The following ERV3-1 variants were observed in gnomAD, a reference collection of about 807,000 sequenced individuals.
The protein encoded by ERV3-1 is endogenous retrovirus group 3 member 1 Env polyprotein.
ERV3-1 carries 36 observed loss-of-function variants against 24.6 expected under a neutral mutation model. The observed-to-expected ratio is 1.47, with a 90% CI of 1.12 to 1.94. The LOEUF is 1.94. Among genes scored for constraint, ERV3-1 ranks in the 30% most tolerant of loss-of-function variants. ERV3-1 has a pLI of 0.00. For missense variants in ERV3-1, 578 were observed against 330.9 expected, an observed-to-expected ratio of 1.75 and a Z score of -5.79; for synonymous variants, 211 against 122.6, an observed-to-expected ratio of 1.72 and a Z score of -4.76.
In ERV3-1 at chr7:64,998,584, T is replaced by C. The variant is rs181367834; in HGVS notation, c.-388-5170A>G. 2.0e-5 allele frequency among the ~76,000 whole-genome samples: 3 copies of C among 152,330 alleles called. No homozygotes were observed. In the East Asian group the frequency reaches 5.8e-4, roughly 29 times the overall value. On this transcript the variant is annotated intron_variant, in intron 1 of 1. Coordinates refer to ENST00000394323, the MANE Select transcript of ERV3-1 (RefSeq NM_001007253.4). ...TACATTCTAATGGGATGGGTTTTGA[T>C]GACTTCCCTCCCATTTCCTCCCAGT... is the stretch of plus-strand genomic sequence containing the variant.
rs1423146661 is a variant in ERV3-1 at position 65,006,529 on chromosome 7, C to T, written c.-389+12G>A. On this transcript the variant is annotated intron_variant, in intron 1 of 1. Coordinates refer to ENST00000394323, the MANE Select transcript of ERV3-1 (RefSeq NM_001007253.4). ...GCCCCCTCTCTCGGGATGTCGGACC[C>T]GGCACTCTCACCATTTCTAGGCTTC... 2.0e-5 allele frequency: 31 copies of T among 1,574,690 alleles called. No homozygotes were observed. The highest frequency in any genetic ancestry group is 2.7e-5 in the Non-Finnish European group (31 of 1,145,916).
rs1467391837 is a variant in ERV3-1 at position 64,998,400 on chromosome 7, C to T, written c.-388-4986G>A. Reference sequence around the variant, plus strand: ...GGCTGTCCTCCGACCCCAGTCACCACCTTAAATACACGGCCAATTTTTTCC... The same window carrying T: ...GGCTGTCCTCCGACCCCAGTCACCATCTTAAATACACGGCCAATTTTTTCC... On this transcript the variant is annotated intron_variant, in intron 1 of 1. Coordinates refer to ENST00000394323, the MANE Select transcript of ERV3-1 (RefSeq NM_001007253.4). Among the ~76,000 whole-genome samples the T allele has an allele frequency of 2.6e-5, 4 of 152,264 alleles. No homozygotes were observed. The East Asian group carries it at 7.7e-4, about 29-fold the overall frequency.
At position 64,991,278 on chromosome 7, in the gene ERV3-1, G is replaced by A. The variant is rs4718177; in HGVS notation, c.1749C>T (p.Val583=). 277,686 of 731,106 alleles carry A rather than the reference G, an allele frequency of 0.38. 53,547 individuals are homozygous for A. Among genetic ancestry groups the A allele is most frequent in the South Asian group, 0.42 (29,008 of 69,744 alleles). The allele number at this position is 731,106 out of a possible 1,614,324, so 45.3% of individuals were successfully genotyped here. Residue 583 remains valine (V), a synonymous_variant, in exon 2 of 2, where the codon GTC becomes GTT. Coordinates refer to ENST00000394323, the MANE Select transcript of ERV3-1 (RefSeq NM_001007253.4). Reference sequence around the variant, plus strand: ...GGATTTTAGCAGTTATTTCTTTGATGACCTTTCCTTCGTCATCAAGTTCCA... The same window carrying A: ...GGATTTTAGCAGTTATTTCTTTGATAACCTTTCCTTCGTCATCAAGTTCCA... ...CCLELDDEGK[V]IKEITAKIQK... is the part of the protein sequence containing the mutation.
chr7:64,998,047 C>T (rs1002000551), intron 1 of ERV3-1, among the ~76,000 whole-genome samples: 1 of 152,108 alleles, frequency 6.6e-6, no homozygotes, highest in African/African-American at 2.4e-5. Context: ...GAGGTGGGGG[C>T]TCAGATTTCC....
In ERV3-1 at chr7:64,991,409, C is replaced by T. The variant is rs550750010; in HGVS notation, c.1618G>A (p.Ala540Thr). The change falls in exon 2 of 2, where the codon GCC (alanine) becomes ACC (threonine). Residue 540 changes from alanine (A) to threonine (T), a missense_variant. Physicochemically the swap from Ala to Thr is moderately conservative, Grantham distance 58. Coordinates refer to ENST00000394323, the MANE Select transcript of ERV3-1 (RefSeq NM_001007253.4). ...AGALNLLAQQATKMRNVIYQN... is the reference protein window; with the variant it reads ...AGALNLLAQQTTKMRNVIYQN... ...TAAATGACATTTCTCATTTTTGTGG[C>T]TTGCTGGGCAAGCAGATTCAAGGCC... 8.9e-5 allele frequency: 63 copies of T among 703,952 alleles called. 1 individual carries two copies. Among genetic ancestry groups the T allele is most frequent in the South Asian group, 7.5e-4 (51 of 67,596 alleles). 43.6% of individuals were successfully genotyped at this position (703,952 alleles called of 1,614,324 possible).
rs186542270 is a variant in ERV3-1 at position 64,998,975 on chromosome 7, G to A, written c.-388-5561C>T. Among the ~76,000 whole-genome samples, 11 of 152,194 alleles carry A rather than the reference G, an allele frequency of 7.2e-5. No homozygotes were observed. The South Asian group carries it at 1.2e-3, about 17-fold the overall frequency. ...AACCAACTTAGTGAGCCACTCTCAC[G>A]TCCTGGGTCAGTTGGGGTGTAGGTT... On this transcript the variant is annotated intron_variant, in intron 1 of 1. Transcript: ENST00000394323.
At chr7:64,993,449 A>G (rs536143810) in intron 1 of ERV3-1, 35 bp from the exon 2 acceptor site, 2 of 168,118 alleles carry the variant, frequency 1.2e-5, no homozygotes, top group East Asian at 3.2e-4. Context: ...AGATTACAGT[A>G]TGGAGCCCAT....
Position 64,995,034 on chromosome 7 carries a change from C to T in ERV3-1, c.-388-1620G>A, listed in dbSNP as rs139319557. 8.2e-3 allele frequency among the ~76,000 whole-genome samples: 1,242 copies of T among 152,346 alleles called. 12 individuals are homozygous for T. Among genetic ancestry groups the T allele is most frequent in the Middle Eastern group, 0.027 (8 of 294 alleles). ...TGCCACAGTCACGGAAGGTGATTCCCGGTTTGACTGGGAGCAGGGTAGCTG... is the reference window on the plus strand; with the variant it reads ...TGCCACAGTCACGGAAGGTGATTCCTGGTTTGACTGGGAGCAGGGTAGCTG... On this transcript the variant is annotated intron_variant, in intron 1 of 1. Coordinates refer to ENST00000394323, the MANE Select transcript of ERV3-1 (RefSeq NM_001007253.4).
At position 64,991,321 on chromosome 7, in the gene ERV3-1, T is replaced by C. The variant is rs4717229; in HGVS notation, c.1706A>G (p.Asn569Ser). ...AQEEGVCGKF[N>S]LTNCCLELDD... ...AAGTTCCAGGCAGCAGTTAGTAAGG[T>C]TGAACTTTCCGCATACTCCCTCTTC... The change falls in exon 2 of 2, where the codon AAC becomes AGC. Residue 569 changes from asparagine (N) to serine (S), a missense_variant. Transcript: ENST00000394323. The C allele has an allele frequency of 0.94, 663,972 of 708,186 alleles. 312,099 individuals carry two copies. Among genetic ancestry groups the C allele is most frequent in the South Asian group, 0.97 (65,846 of 67,932 alleles). The allele number at this position is 708,186 out of a possible 1,614,324, so 43.9% of individuals were successfully genotyped here.
intron 1 of ERV3-1, chr7:65,004,996 G>C (rs1786612044): frequency 6.7e-6 from 1 of 150,314 alleles, no homozygotes; most frequent in African/African-American, 2.5e-5. Flanking sequence ...GACCAGCAAT[G>C]TGTCTTCGAG....
intron 1 of ERV3-1, chr7:65,004,822 A>G (rs930373652): frequency 1.4e-5 from 2 of 146,488 alleles, no homozygotes; most frequent in African/African-American, 5.1e-5. Context: ...CCCAAGGTGC[A>G]TTTCACTTTG....
At position 64,990,522 on chromosome 7, in the gene ERV3-1, AGCAGAACAAAG is replaced by A. The variant is rs1186498577; in HGVS notation, c.*679_*689del. The stretch of plus-strand genomic sequence containing the variant: ...CGAGGTGAGAAAGCAGTCTTACAGA[AGCAGAACAAAG>A]GCAGTTAATCATACCGTGACAGGTT... On this transcript the variant is annotated 3_prime_UTR_variant, in exon 2 of 2. Coordinates refer to ENST00000394323, the MANE Select transcript of ERV3-1 (RefSeq NM_001007253.4). The A allele has an allele frequency of 3.2e-5, 5 of 155,110 alleles. No homozygotes were observed. The highest frequency in any genetic ancestry group is 1.2e-4 in the African/African-American group (5 of 40,664). The allele number at this position is 155,110 out of a possible 1,614,324, so 9.6% of individuals were successfully genotyped here.
At chr7:65,002,324 C>A (rs1256339096) in intron 1 of ERV3-1, among the ~76,000 whole-genome samples, 1 of 151,872 alleles carries the variant, frequency 6.6e-6, no homozygotes, top group Non-Finnish European at 1.5e-5. Context: ...AAATAAAATG[C>A]TTTTTTGTTT....
intron 1 of ERV3-1, among the ~76,000 whole-genome samples, chr7:65,005,574 T>C (rs1171392046): frequency 6.6e-6 from 1 of 152,102 alleles, no homozygotes; most frequent in Non-Finnish European, 1.5e-5. Context: ...AAAGGACAAA[T>C]AGTTGATAAT....
Position 65,006,651 on chromosome 7 carries a change from G to T in ERV3-1, c.-499C>A. 1 of 1,523,788 alleles carries T rather than the reference G, an allele frequency of 6.6e-7. No homozygotes were observed. The highest frequency in any genetic ancestry group is 9.1e-7 in the Non-Finnish European group (1 of 1,100,552). 94.4% of individuals were successfully genotyped at this position (1,523,788 alleles called of 1,614,324 possible). A position where few individuals can be genotyped will look rare whatever the true frequency, so the allele number is the denominator to read the frequency against. Reference sequence around the variant, plus strand: ...CTAGGAGCAGAAGACACAGAGCAGTGAAGACTACACCAGAAGCTCCGGCTG... The same window carrying T: ...CTAGGAGCAGAAGACACAGAGCAGTTAAGACTACACCAGAAGCTCCGGCTG... On this transcript the variant is annotated 5_prime_UTR_variant, in exon 1 of 2. Transcript: ENST00000394323.
In ERV3-1 at chr7:64,992,577, C is replaced by T. The variant is rs760066026; in HGVS notation, c.450G>A (p.Arg150=). 6 of 766,316 alleles carry T rather than the reference C, an allele frequency of 7.8e-6. No individual in the cohort carries two copies. The highest frequency in any genetic ancestry group is 1.2e-5 in the Non-Finnish European group (5 of 417,900). The allele number at this position is 766,316 out of a possible 1,614,324, so 47.5% of individuals were successfully genotyped here. The change falls in exon 2 of 2, where the codon AGG becomes AGA. Residue 150 remains arginine, a synonymous_variant. Transcript: ENST00000394323. ...CGGTGGAACAAGCAGGGTGTGCATA[C>T]CTATTTTTATGGCAGCTACTATAGT... The part of the protein sequence containing the change: ...MEYYSSCHKN[R]YAHPACSTDS...
intron 1 of ERV3-1, among the ~76,000 whole-genome samples, chr7:64,997,784 G>C (rs1356676914): frequency 6.6e-6 from 1 of 152,154 alleles, no homozygotes; most frequent in Non-Finnish European, 1.5e-5. Context: ...TCTGAAAAAT[G>C]GACTGCATCA....
rs142727448 is a variant in ERV3-1 at position 64,997,860 on chromosome 7, G to A, written c.-388-4446C>T. Among the ~76,000 whole-genome samples the A allele has an allele frequency of 1.9e-3, 282 of 152,274 alleles. 1 individual carries two copies. Among genetic ancestry groups the A allele is most frequent in the African/African-American group, 6.6e-3 (274 of 41,546 alleles). ...AGGGAGTATGGTGTTTCCAGTTTAG[G>A]AGATCAGTGGTTGAAAAAGGCTGGT... is the stretch of plus-strand genomic sequence containing the variant. On this transcript the variant is annotated intron_variant, in intron 1 of 1. Transcript: ENST00000394323.
chr7:65,003,195 C>A (rs74451520), intron 1 of ERV3-1, among the ~76,000 whole-genome samples: 2,042 of 152,264 alleles, frequency 0.013, 41 homozygotes, highest in African/African-American at 0.047. Flanking sequence ...GCCTTTAATA[C>A]CCTCCCTCCC....
Sources: gnomAD v4.1 joint callset for allele counts (sites outside exome capture counted in the v4.1 genomes callset) on GRCh38, gnomAD v4.1.1 for gene constraint, MANE v1.5 for transcripts, NCBI Gene and HGNC (gene_info 2026-07-23, HGNC 2026-07-21) for gene names.